The following SMC1A variants were observed in gnomAD, a reference collection of about 807,000 sequenced individuals.
SMC1A encodes structural maintenance of chromosomes protein 1A.
SMC1A carries 4 observed loss-of-function variants against 94.5 expected under a neutral mutation model. That is an observed-to-expected ratio of 0.04 (90% CI 0.02 to 0.10). The LOEUF (loss-of-function observed/expected upper bound fraction) is 0.10. Among genes scored for constraint, SMC1A ranks in the 10% least tolerant of loss-of-function variants. The pLI, the probability that SMC1A is intolerant of heterozygous loss-of-function variation, is 1.00. For synonymous variants in SMC1A, 345 were observed against 347.7 expected (o/e 0.99, Z 0.09); for missense variants, 304 against 989.0 (o/e 0.31, Z 9.29).
At chrX:53,418,419 G>A (rs2075740519) in intron 1 of SMC1A, among the ~76,000 whole-genome samples, 1 of 111,964 alleles carries the variant, frequency 8.9e-6, no homozygotes, top group Non-Finnish European at 1.9e-5. Flanking sequence ...ACAGGCATAA[G>A]CTACCACGCC....
rs782166454 is a variant in SMC1A at position 53,411,659 on chromosome X, C to T, written c.1254+102G>A. ...AACTCTAATCCAAAATGCTTAGGACCGGAAACGTTTCAGATTTTGGATTAT... is the reference window on the plus strand; with the variant it reads ...AACTCTAATCCAAAATGCTTAGGACTGGAAACGTTTCAGATTTTGGATTAT... On this transcript the variant is annotated intron_variant, in intron 7 of 24. Coordinates refer to ENST00000322213, the MANE Select transcript of SMC1A (RefSeq NM_006306.4). The T allele has an allele frequency of 2.0e-5, 20 of 1,003,275 alleles. No individual in the cohort carries two copies. In the South Asian group the frequency reaches 2.9e-4, roughly 15 times the overall value. The allele number at this position is 1,003,275 out of a possible 1,213,427, so 82.7% of individuals were successfully genotyped here.
intron 20 of SMC1A, 23 bp downstream of exon 20, chrX:53,383,074 C>A: frequency 8.3e-7 from 1 of 1,203,116 alleles, no homozygotes; most frequent in Non-Finnish European, 1.1e-6. Flanking sequence ...CATCGTAGGC[C>A]CAAGTAGAAG....
Position 53,417,381 on chromosome X carries a change from G to A in SMC1A, c.110-2212C>T, listed in dbSNP as rs782686825. 4.6e-5 allele frequency among the ~76,000 whole-genome samples: 5 copies of A among 107,994 alleles called. No homozygotes were observed. The Admixed American group carries it at 5.0e-4, about 11-fold the overall frequency. The allele number at this position is 107,994 out of a possible 115,157, so 93.8% of individuals were successfully genotyped here. A position where few individuals can be genotyped will look rare whatever the true frequency, so the allele number is the denominator to read the frequency against. ...AGCCTGACTAACATGGAGAAACCTCGTCTCTACTAAAAATACAAAATTAGC... is the reference window on the plus strand; with the variant it reads ...AGCCTGACTAACATGGAGAAACCTCATCTCTACTAAAAATACAAAATTAGC... On this transcript the variant is annotated intron_variant, in intron 1 of 24. Transcript: ENST00000322213.
At chrX:53,389,702 C>T (rs895840843) in intron 19 of SMC1A, among the ~76,000 whole-genome samples, 1 of 109,530 alleles carries the variant, frequency 9.1e-6, no homozygotes, top group Non-Finnish European at 1.9e-5. Flanking sequence ...TGCACACCAG[C>T]CCGTGATAGT....
chrX:53,382,128 A>T, intron 22 of SMC1A, 104 bp downstream of exon 22: 1 of 1,003,270 alleles, frequency 1.0e-6, no homozygotes, highest in Non-Finnish European at 1.4e-6. Flanking sequence ...TCCAGATTCC[A>T]CCAAACCATC....
chrX:53,389,095 A>G (rs980514974), intron 19 of SMC1A, among the ~76,000 whole-genome samples: 27 of 107,446 alleles, frequency 2.5e-4, no homozygotes, highest in Admixed American at 5.1e-4. Flanking sequence ...CAAGAACTAC[A>G]GAGGATAGCA....
In SMC1A at chrX:53,405,158, A is replaced by G. The variant is rs782041729; in HGVS notation, c.2059-9T>C. 7 of 1,210,379 alleles carry G rather than the reference A, an allele frequency of 5.8e-6. No homozygotes were observed. In the African/African-American group the frequency reaches 1.2e-4, roughly 21 times the overall value. On this transcript the variant is annotated splice_polypyrimidine_tract_variant and intron_variant, in intron 12 of 24. Transcript: ENST00000322213. ...TTTGCCTTCATCTGCTCCTGAAGGG[A>G]ACAAGAAAGAAGGGCTAGGTGGTAA...
chrX:53,395,305 T>G (rs781866445), intron 18 of SMC1A, among the ~76,000 whole-genome samples: 2 of 112,315 alleles, frequency 1.8e-5, no homozygotes, highest in African/African-American at 6.5e-5. Flanking sequence ...ATCACGCCAC[T>G]GCACTTCAGC....
At chrX:53,414,361 T>C (rs187649442) in intron 3 of SMC1A, among the ~76,000 whole-genome samples, 1 of 111,367 alleles carries the variant, frequency 9.0e-6, no homozygotes, top group African/African-American at 3.3e-5. Context: ...CATAATAAAC[T>C]GGAGAGCTTG....
chrX:53,399,985 A>T (rs782365545), intron 15 of SMC1A, among the ~76,000 whole-genome samples: 1 of 111,272 alleles, frequency 9.0e-6, no homozygotes, highest in South Asian at 3.8e-4. Context: ...AACCTTATTT[A>T]TCCCCCTTTA....
rs1556886120 is a variant in SMC1A at position 53,383,086 on chromosome X, G to C, written c.3130+11C>G. ...CCTCATCGTAGGCCCAAGTAGAAGG[G>C]TAAATCTTACCATCTGAGGTCTCCT... On this transcript the variant is annotated intron_variant, in intron 20 of 24. Coordinates refer to ENST00000322213, the MANE Select transcript of SMC1A (RefSeq NM_006306.4). 1 of 1,207,356 alleles carries C rather than the reference G, an allele frequency of 8.3e-7. No individual in the cohort carries two copies. Among genetic ancestry groups the C allele is most frequent in the Admixed American group, 2.2e-5 (1 of 45,844 alleles).
intron 9 of SMC1A, among the ~76,000 whole-genome samples, chrX:53,407,637 G>A (rs1205013583): frequency 9.0e-6 from 1 of 111,465 alleles, no homozygotes; most frequent in Non-Finnish European, 1.9e-5. Flanking sequence ...GGCACCTGAA[G>A]TCTTGGACTG....
intron 18 of SMC1A, among the ~76,000 whole-genome samples, chrX:53,395,145 C>A (rs1392056134): frequency 4.5e-5 from 5 of 111,672 alleles, no homozygotes; most frequent in Admixed American, 1.9e-4. Context: ...GAGTTTGAGA[C>A]CAGCCTGGCC....
chrX:53,382,837 G>C (rs782571298), intron 20 of SMC1A, among the ~76,000 whole-genome samples, 177 bp from the exon 21 acceptor site: 47 of 110,907 alleles, frequency 4.2e-4, no homozygotes, highest in African/African-American at 1.4e-3. Context: ...CAGGGGCCTG[G>C]AGCCACACAA....
intron 13 of SMC1A, among the ~76,000 whole-genome samples, chrX:53,404,528 C>T (rs977469759): frequency 2.7e-5 from 3 of 111,216 alleles, no homozygotes; most frequent in African/African-American, 9.8e-5. Context: ...GAGTCTCGCT[C>T]TGTCACCCAG....
At chrX:53,404,174 A>C (rs782037518) in intron 13 of SMC1A, among the ~76,000 whole-genome samples, 3 of 111,498 alleles carry the variant, frequency 2.7e-5, no homozygotes, top group Non-Finnish European at 5.6e-5. Flanking sequence ...CCCTGGGGGC[A>C]GAGTTGTTTC....
chrX:53,422,009 T>A, intron 1 of SMC1A: 1 of 1,208,722 alleles, frequency 8.3e-7, no homozygotes, highest in South Asian at 1.8e-5. Context: ...GGAGTTGGAG[T>A]GTACCAATGC....
chrX:53,390,828 T>C (rs1188383943), intron 19 of SMC1A, among the ~76,000 whole-genome samples: 2 of 104,278 alleles, frequency 1.9e-5, no homozygotes, highest in Admixed American at 1.0e-4. Context: ...CCGTCTCTAC[T>C]AAAAATACAA....
intron 18 of SMC1A, among the ~76,000 whole-genome samples, chrX:53,396,017 C>T (rs1160588748): frequency 5.4e-5 from 6 of 111,208 alleles, no homozygotes; most frequent in African/African-American, 2.0e-4. Context: ...CCCAATTCAA[C>T]TTCTCTCTCA....
Sources: allele counts gnomAD v4.1 joint callset (sites outside exome capture counted in the v4.1 genomes callset), GRCh38; gene constraint gnomAD v4.1.1; transcripts MANE v1.5; gene names NCBI Gene and HGNC (gene_info 2026-07-23, HGNC 2026-07-21).